The following CDH13 variants were observed in gnomAD, a reference collection of about 807,000 sequenced individuals.
The protein encoded by CDH13 is cadherin-13.
CDH13 carries 24 observed loss-of-function variants against 63.8 expected under a neutral mutation model. The ratio of observed to expected loss-of-function variants is 0.38; its 90% CI spans 0.27 to 0.53. The LOEUF is 0.53. Among genes scored for constraint, CDH13 ranks in the 20% least tolerant of loss-of-function variants. The probability of loss-of-function intolerance (pLI) is 0.85; values close to 1 mark genes in which losing one functional copy is unlikely to be tolerated. For synonymous variants in CDH13, 503 were observed against 355.3 expected (o/e 1.42, Z -4.67); for missense variants, 1,049 against 903.1 (o/e 1.16, Z -2.07).
intron 2 of CDH13, among the ~76,000 whole-genome samples, chr16:82,943,520 T>TG (rs1223562641): frequency 6.6e-6 from 1 of 152,234 alleles, no homozygotes; most frequent in Non-Finnish European, 1.5e-5. Context: ...AATTCCTTTC[T>TG]GGGTGAAATA....
In CDH13 at chr16:83,047,050, C is replaced by G. The variant is rs904944011; in HGVS notation, c.366+14832C>G. 6.6e-6 allele frequency among the ~76,000 whole-genome samples: 1 copy of G among 152,132 alleles called. No individual in the cohort carries two copies. Among genetic ancestry groups the G allele is most frequent in the Admixed American group, 6.5e-5 (1 of 15,278 alleles). On this transcript the variant is annotated intron_variant, in intron 3 of 13. Transcript: ENST00000567109. This position sits in a 1 kb window ranked among gnomAD's most constrained non-coding sequence, Gnocchi z 4.9. The stretch of plus-strand genomic sequence containing the variant: ...CAGAGAATGTGCACTGTCAACCAAC[C>G]CCTTCATCGAGTCAGGCAAATTAGG...
intron 1 of CDH13, among the ~76,000 whole-genome samples, chr16:82,835,806 A>G (rs1288998903): frequency 6.6e-6 from 1 of 152,190 alleles, no homozygotes; most frequent in Non-Finnish European, 1.5e-5. Flanking sequence ...CAGCAAACCA[A>G]GGACATTTAA....
intron 6 of CDH13, among the ~76,000 whole-genome samples, chr16:83,383,357 C>T (rs771269290): frequency 2.6e-5 from 4 of 152,126 alleles, no homozygotes; most frequent in Non-Finnish European, 5.9e-5. Flanking sequence ...ACCATTTTCC[C>T]CTTTATAATC....
At chr16:83,464,053 G>A (rs1292546535) in intron 6 of CDH13, among the ~76,000 whole-genome samples, 1 of 152,136 alleles carries the variant, frequency 6.6e-6, no homozygotes, top group East Asian at 1.9e-4. Flanking sequence ...TTTATGCTAT[G>A]TTCTAGGGGG....
intron 2 of CDH13, among the ~76,000 whole-genome samples, chr16:83,014,743 A>AATATAT (rs71146101): frequency 2.0e-3 from 68 of 33,204 alleles, no homozygotes; most frequent in Admixed American, 3.0e-3. Context: ...AAAAAAAAAA[A>AATATAT]ATATATATAT....
At chr16:82,880,542 C>T (rs1451916515) in intron 2 of CDH13, among the ~76,000 whole-genome samples, 1 of 152,038 alleles carries the variant, frequency 6.6e-6, no homozygotes, top group Non-Finnish European at 1.5e-5. Context: ...TGTTTTTGGA[C>T]CTTTGCCAGG....
intron 5 of CDH13, among the ~76,000 whole-genome samples, chr16:83,279,927 G>C (rs534575080): frequency 2.6e-5 from 4 of 151,934 alleles, no homozygotes; most frequent in African/African-American, 9.7e-5. Flanking sequence ...TTTCATGTCT[G>C]AAAAATGTAC....
intron 6 of CDH13, among the ~76,000 whole-genome samples, chr16:83,364,859 T>A (rs900849444): frequency 2.0e-5 from 3 of 152,034 alleles, no homozygotes; most frequent in African/African-American, 7.3e-5. Context: ...AGTTGAACAA[T>A]GAGAACACAT....
intron 4 of CDH13, among the ~76,000 whole-genome samples, chr16:83,128,345 A>G (rs1216927382): frequency 6.6e-6 from 1 of 152,190 alleles, no homozygotes; most frequent in Non-Finnish European, 1.5e-5. Context: ...GCATATTTTC[A>G]TGTCCCACCC....
chr16:82,885,137 T>C (rs1190812658), intron 2 of CDH13, among the ~76,000 whole-genome samples: 2 of 152,236 alleles, frequency 1.3e-5, no homozygotes, highest in African/African-American at 4.8e-5. Flanking sequence ...TTGCAAGAGA[T>C]GGATACAAAG....
chr16:82,877,067 T>C (rs1243330119), intron 2 of CDH13, among the ~76,000 whole-genome samples: 1 of 152,164 alleles, frequency 6.6e-6, no homozygotes, highest in Non-Finnish European at 1.5e-5. Flanking sequence ...TAAGGGCAAA[T>C]ACTACCTTAA....
chr16:83,266,067 C>T (rs573436926), intron 5 of CDH13, among the ~76,000 whole-genome samples: 1 of 152,058 alleles, frequency 6.6e-6, no homozygotes, highest in South Asian at 2.1e-4. Flanking sequence ...ATCCCTAGTA[C>T]CTGAGATTAC....
chr16:82,876,107 T>A (rs1264064322), intron 2 of CDH13, among the ~76,000 whole-genome samples: 4 of 152,226 alleles, frequency 2.6e-5, no homozygotes, highest in Admixed American at 1.3e-4. Flanking sequence ...ATCTCCATAA[T>A]TCAGTCACTT....
At chr16:83,042,262 A>T (rs1005461656) in intron 3 of CDH13, among the ~76,000 whole-genome samples, 4 of 152,190 alleles carry the variant, frequency 2.6e-5, no homozygotes, top group African/African-American at 7.2e-5. Flanking sequence ...CTTCATCTGT[A>T]TTTATAGCCA....
At chr16:83,016,603 C>T (rs1448482936) in intron 2 of CDH13, among the ~76,000 whole-genome samples, 2 of 152,218 alleles carry the variant, frequency 1.3e-5, no homozygotes, top group Middle Eastern at 3.4e-3. Flanking sequence ...ATTATCAAGC[C>T]ACCAACCTTG....
chr16:82,865,399 T>A (rs933035963), intron 2 of CDH13, among the ~76,000 whole-genome samples: 22 of 152,218 alleles, frequency 1.4e-4, no homozygotes, highest in Admixed American at 8.5e-4. Context: ...GGTGTTTCCA[T>A]TAAGCCTCTG....
intron 4 of CDH13, among the ~76,000 whole-genome samples, chr16:83,204,360 A>G (rs2039120602): frequency 6.6e-6 from 1 of 152,166 alleles, no homozygotes; most frequent in Non-Finnish European, 1.5e-5. Flanking sequence ...TACCTCATAG[A>G]ATTGTTGTGC....
At chr16:82,840,405 G>T (rs1014073220) in intron 1 of CDH13, among the ~76,000 whole-genome samples, 1 of 150,220 alleles carries the variant, frequency 6.7e-6, no homozygotes, top group East Asian at 2.0e-4. Flanking sequence ...AAACTTGGCC[G>T]GGTGCAGTGG....
chr16:83,164,295 A>G (rs8052872), intron 4 of CDH13, among the ~76,000 whole-genome samples: 33,112 of 151,884 alleles, frequency 0.22, 4,997 homozygotes, highest in African/African-American at 0.43. Flanking sequence ...GAGGCCACAC[A>G]TCACACACCA....
Sources: allele counts gnomAD v4.1 joint callset (sites outside exome capture counted in the v4.1 genomes callset), GRCh38; gene constraint gnomAD v4.1.1; non-coding constraint Gnocchi (gnomAD v3.1); transcripts MANE v1.5; gene names NCBI Gene and HGNC (gene_info 2026-07-23, HGNC 2026-07-21).